Variants in PTPRS observed in about 807,000 individuals in gnomAD.
The protein encoded by PTPRS is protein tyrosine phosphatase receptor type S.
PTPRS carries 63 observed loss-of-function variants against 215.3 expected under a neutral mutation model. The ratio of observed to expected loss-of-function variants is 0.29; its 90% CI spans 0.24 to 0.36. The LOEUF (loss-of-function observed/expected upper bound fraction) is 0.36. Ranked by LOEUF, PTPRS falls within the 10% of genes least tolerant of loss-of-function variation. The pLI, the probability that PTPRS is intolerant of heterozygous loss-of-function variation, is 1.00. For missense variants in PTPRS, 2,258 were observed against 2,825.8 expected, an observed-to-expected ratio of 0.80 and a Z score of 4.56; for synonymous variants, 1,404 against 1,191.4, an observed-to-expected ratio of 1.18 and a Z score of -3.68.
intron 1 of PTPRS, among the ~76,000 whole-genome samples, chr19:5,326,951 T>C (rs1299526840): frequency 3.3e-5 from 5 of 151,710 alleles, no homozygotes; most frequent in Non-Finnish European, 7.4e-5. Flanking sequence ...CCCTGCAGAG[T>C]GACCTCGGCA....
At chr19:5,291,111 C>T (rs896580513) in intron 1 of PTPRS, among the ~76,000 whole-genome samples, 13 of 151,924 alleles carry the variant, frequency 8.6e-5, no homozygotes, top group Non-Finnish European at 2.9e-5. Flanking sequence ...CTTTAATTGA[C>T]TATTGATTTG....
Position 5,257,953 on chromosome 19 carries a change from C to T in PTPRS, c.706+64G>A, listed in dbSNP as rs561508055. The stretch of plus-strand genomic sequence containing the variant: ...CGGGGGAGCCCGGAGGCGGTGAGCC[C>T]GAGGAGGGAGGGGGATGGGACGGGG... On this transcript the variant is annotated intron_variant, in intron 8 of 37. Transcript: ENST00000262963. This position sits in a 1 kb window ranked among gnomAD's most constrained non-coding sequence, Gnocchi z 4.4. 142 of 1,419,764 alleles carry T rather than the reference C, an allele frequency of 1.0e-4. No homozygotes were observed. In the East Asian group the frequency reaches 1.1e-3, roughly 11 times the overall value. The allele number at this position is 1,419,764 out of a possible 1,614,324, so 87.9% of individuals were successfully genotyped here.
intron 2 of PTPRS, chr19:5,277,643 G>A (rs1189647387): frequency 4.7e-6 from 2 of 427,476 alleles, no homozygotes; most frequent in Non-Finnish European, 4.3e-6. Flanking sequence ...GCGACAGAGT[G>A]AGACTCCATC....
intron 9 of PTPRS, among the ~76,000 whole-genome samples, chr19:5,247,819 C>A (rs1252313368): frequency 1.3e-5 from 2 of 151,652 alleles, no homozygotes; most frequent in African/African-American, 4.9e-5. Context: ...TGAATCCGGG[C>A]GGGAGGCAAA....
intron 1 of PTPRS, among the ~76,000 whole-genome samples, chr19:5,319,021 A>G (rs1031775443): frequency 6.6e-6 from 1 of 152,180 alleles, no homozygotes; most frequent in African/African-American, 2.4e-5. Flanking sequence ...TGAGTTCTGG[A>G]AACTTCTAAT....
At chr19:5,281,417 C>T (rs941079161) in intron 2 of PTPRS, among the ~76,000 whole-genome samples, 5 of 152,174 alleles carry the variant, frequency 3.3e-5, no homozygotes, top group Admixed American at 3.3e-4. Context: ...GCTGAGATCA[C>T]GCCATTGCAC....
At chr19:5,320,564 G>A (rs1030029142) in intron 1 of PTPRS, among the ~76,000 whole-genome samples, 13 of 152,108 alleles carry the variant, frequency 8.5e-5, no homozygotes, top group African/African-American at 3.1e-4. Flanking sequence ...TGGGATTACA[G>A]GTGCACGCCA....
Position 5,237,521 on chromosome 19 carries a change from GT to G in PTPRS, c.1849+1397del, listed in dbSNP as rs1251055271. Among the ~76,000 whole-genome samples the G allele has an allele frequency of 6.6e-6, 1 of 152,246 alleles. No homozygotes were observed. Among genetic ancestry groups the G allele is most frequent in the Non-Finnish European group, 1.5e-5 (1 of 68,044 alleles). On this transcript the variant is annotated intron_variant, in intron 13 of 37. Coordinates refer to ENST00000262963, the MANE Select transcript of PTPRS (RefSeq NM_002850.4). The surrounding 1 kb of genome is among the most constrained non-coding windows in gnomAD (Gnocchi z 4.2). Reference sequence around the variant, plus strand: ...CTCGGGAAGGGATGTGTGCAAAGACGTGGATGTGCGTGCGTGGGCAGCGTGG... The same window carrying G: ...CTCGGGAAGGGATGTGTGCAAAGACGGGATGTGCGTGCGTGGGCAGCGTGG...
chr19:5,290,950 A>G (rs1276982674), intron 1 of PTPRS, among the ~76,000 whole-genome samples: 1 of 151,906 alleles, frequency 6.6e-6, no homozygotes, highest in African/African-American at 2.4e-5. Flanking sequence ...CTGGGCAGCA[A>G]GCACAGGCTC....
chr19:5,335,868 C>T (rs1050277365), intron 1 of PTPRS, among the ~76,000 whole-genome samples: 10 of 152,138 alleles, frequency 6.6e-5, no homozygotes, highest in African/African-American at 2.4e-4. Flanking sequence ...AATATCCCCT[C>T]GGCCTCTGCG....
chr19:5,318,574 C>T (rs912163301), intron 1 of PTPRS, among the ~76,000 whole-genome samples: 1 of 152,000 alleles, frequency 6.6e-6, no homozygotes, highest in Non-Finnish European at 1.5e-5. Flanking sequence ...AAGACTGAAT[C>T]GAAAGGCACA....
intron 6 of PTPRS, among the ~76,000 whole-genome samples, chr19:5,261,046 G>A (rs946966632): frequency 2.0e-5 from 3 of 152,124 alleles, no homozygotes; most frequent in African/African-American, 4.8e-5. Flanking sequence ...CAAAGCAGGA[G>A]GGTTTCCTGT....
intron 4 of PTPRS, among the ~76,000 whole-genome samples, chr19:5,265,721 C>G (rs2046351009): frequency 6.6e-6 from 1 of 151,424 alleles, no homozygotes; most frequent in Non-Finnish European, 1.5e-5. Context: ...TGGGGGGTGA[C>G]TCTGCTGCCC....
chr19:5,207,809 A>G, intron 37 of PTPRS, 113 bp downstream of exon 37: 1 of 1,476,292 alleles, frequency 6.8e-7, no homozygotes, highest in Non-Finnish European at 9.2e-7. Context: ...GTCTACCCAC[A>G]GTGACCCAGA....
At chr19:5,242,531 C>T (rs547451041) in intron 11 of PTPRS, among the ~76,000 whole-genome samples, 3 of 149,170 alleles carry the variant, frequency 2.0e-5, no homozygotes, top group African/African-American at 7.3e-5. Context: ...CCACGACTGG[C>T]TAATTTTTGT....
At chr19:5,283,827 C>T (rs1458496188) in intron 2 of PTPRS, among the ~76,000 whole-genome samples, 1 of 152,140 alleles carries the variant, frequency 6.6e-6, no homozygotes, top group African/African-American at 2.4e-5. Context: ...AATCCCAGCA[C>T]TTTGGGAGGC....
intron 6 of PTPRS, 60 bp from the exon 7 acceptor site, chr19:5,260,882 G>A (rs2045941708): frequency 1.3e-6 from 2 of 1,592,988 alleles, no homozygotes; most frequent in African/African-American, 1.3e-5. Flanking sequence ...GGGGGCCGGG[G>A]GGCCCCAGGG....
intron 1 of PTPRS, among the ~76,000 whole-genome samples, chr19:5,291,818 C>T (rs1433100662): frequency 6.6e-6 from 1 of 152,044 alleles, no homozygotes; most frequent in Non-Finnish European, 1.5e-5. Context: ...AAAACTCAGA[C>T]TGCTACCTCA....
chr19:5,283,294 G>A (rs915000693), intron 2 of PTPRS, among the ~76,000 whole-genome samples: 25 of 151,884 alleles, frequency 1.6e-4, no homozygotes, highest in Non-Finnish European at 2.8e-4. Context: ...CAGCACTTTC[G>A]CCTGTCACAC....
Sources: gnomAD v4.1 joint callset for allele counts (sites outside exome capture counted in the v4.1 genomes callset) on GRCh38, gnomAD v4.1.1 for gene constraint, Gnocchi (gnomAD v3.1) non-coding constraint, MANE v1.5 for transcripts, NCBI Gene and HGNC (gene_info 2026-07-23, HGNC 2026-07-21) for gene names.